The following PRDM16 variants were observed in gnomAD, a reference collection of about 807,000 sequenced individuals.
PRDM16 encodes the protein histone-lysine N-methyltransferase PRDM16.
In PRDM16, 23 loss-of-function variants were observed where a neutral mutation model predicts 110.6. That is an observed-to-expected ratio of 0.21 (90% CI 0.15 to 0.29). PRDM16 has a LOEUF of 0.29. PRDM16 is among the 10% of genes least tolerant of loss of function. The pLI, the probability that PRDM16 is intolerant of heterozygous loss-of-function variation, is 1.00. For synonymous variants in PRDM16, 799 were observed against 781.8 expected, an observed-to-expected ratio of 1.02 and a Z score of -0.37; for missense variants, 1,615 against 1,794.3, an observed-to-expected ratio of 0.90 and a Z score of 1.81.
chr1:3,318,818 A>G (rs746472760), intron 3 of PRDM16, among the ~76,000 whole-genome samples: 4 of 152,210 alleles, frequency 2.6e-5, no homozygotes, highest in African/African-American at 4.8e-5. Flanking sequence ...CCCCCTGCCT[A>G]TTGAAAGATT....
In PRDM16 at chr1:3,215,473, G is replaced by A. The variant is rs535408560; in HGVS notation, c.388-28614G>A. Among the ~76,000 whole-genome samples, 11 of 151,710 alleles carry A rather than the reference G, an allele frequency of 7.3e-5. No individual in the cohort carries two copies. The East Asian group carries it at 7.7e-4, about 11-fold the overall frequency. ...CTCCAGGAGGGTCATGGGTGGAGGC[G>A]GGAGAGAGTGGTTTGTGTGGGGTGG... On this transcript the variant is annotated intron_variant, in intron 2 of 16. Transcript: ENST00000270722.
chr1:3,410,291 C>G (rs930435941), intron 8 of PRDM16, among the ~76,000 whole-genome samples: 1 of 152,114 alleles, frequency 6.6e-6, no homozygotes, highest in African/African-American at 2.4e-5. Flanking sequence ...ACCCCCAGGC[C>G]GCTGGGTCCT....
Position 3,204,140 on chromosome 1 carries a change from G to A in PRDM16, c.387+17666G>A, listed in dbSNP as rs147683152. On this transcript the variant is annotated intron_variant, in intron 2 of 16. Transcript: ENST00000270722. ...AGTAAGATGCCTTTTTAAGGCCGGCGTTTTTAGCCAATTCCAGTATTTTCC... is the reference window on the plus strand; with the variant it reads ...AGTAAGATGCCTTTTTAAGGCCGGCATTTTTAGCCAATTCCAGTATTTTCC... 3.0e-3 allele frequency among the ~76,000 whole-genome samples: 459 copies of A among 152,334 alleles called. 1 individual carries two copies. Among genetic ancestry groups the A allele is most frequent in the Non-Finnish European group, 5.4e-3 (368 of 68,030 alleles).
Position 3,180,944 on chromosome 1 carries a change from CCTTACACACGCAGT to C in PRDM16, c.38-5171_38-5158del, listed in dbSNP as rs1471051908. On this transcript the variant is annotated intron_variant, in intron 1 of 16. Transcript: ENST00000270722. ...CTTACACACGCAGCCACACACGCAG[CCTTACACACGCAGT>C]CTTACACACTCGGTCTTACACACGC... is the stretch of plus-strand genomic sequence containing the variant. Among the ~76,000 whole-genome samples, 37 of 140,870 alleles carry C rather than the reference CCTTACACACGCAGT, an allele frequency of 2.6e-4. 1 individual carries two copies. The highest frequency in any genetic ancestry group is 1.3e-3 in the Admixed American group (19 of 14,132). 92.4% of individuals were successfully genotyped at this position (140,870 alleles called of 152,430 possible).
chr1:3,277,103 G>A (rs897818620), intron 3 of PRDM16, among the ~76,000 whole-genome samples: 1 of 152,068 alleles, frequency 6.6e-6, no homozygotes, highest in Non-Finnish European at 1.5e-5. Flanking sequence ...CCAGCCATTC[G>A]TCACCTGCTG....
chr1:3,138,439 G>A (rs1181976802), intron 1 of PRDM16, among the ~76,000 whole-genome samples: 1 of 152,230 alleles, frequency 6.6e-6, no homozygotes, highest in Non-Finnish European at 1.5e-5. Context: ...TGTGCCCCCG[G>A]AGCCGGCGTT....
intron 1 of PRDM16, among the ~76,000 whole-genome samples, chr1:3,134,035 C>A (rs144466361): frequency 2.6e-5 from 4 of 152,202 alleles, no homozygotes; most frequent in Non-Finnish European, 1.5e-5. Flanking sequence ...TCAGGCAGCG[C>A]GTCCAGTTCA....
intron 2 of PRDM16, among the ~76,000 whole-genome samples, chr1:3,195,737 G>T (rs1192524622): frequency 6.6e-6 from 1 of 152,186 alleles, no homozygotes; most frequent in African/African-American, 2.4e-5. Flanking sequence ...CTTCTGCGTG[G>T]GGGCGTGGCC....
At chr1:3,352,200 C>T (rs1642508442) in intron 3 of PRDM16, among the ~76,000 whole-genome samples, 4 of 152,214 alleles carry the variant, frequency 2.6e-5, no homozygotes, top group East Asian at 1.9e-4. Flanking sequence ...CTTCTCCCTC[C>T]GTGTTTGGCC....
intron 3 of PRDM16, among the ~76,000 whole-genome samples, chr1:3,379,126 C>G: frequency 7.3e-6 from 1 of 136,548 alleles, no homozygotes; most frequent in Non-Finnish European, 1.6e-5. Flanking sequence ...CAACTCACCC[C>G]TCCCAACACA....
chr1:3,438,477 G>A lies in PRDM16; in HGVS notation c.*4666G>A, dbSNP rs1342282448. 2 of 207,546 alleles carry A rather than the reference G, an allele frequency of 9.6e-6. No individual in the cohort carries two copies. The highest frequency in any genetic ancestry group is 3.0e-3 in the Middle Eastern group (2 of 674). 12.9% of individuals were successfully genotyped at this position (207,546 alleles called of 1,614,324 possible). A position where few individuals can be genotyped will look rare whatever the true frequency, so the allele number is the denominator to read the frequency against. On this transcript the variant is annotated 3_prime_UTR_variant, in exon 17 of 17. Transcript: ENST00000270722. ...ATGAACACAAATGTACTTGTGTAGAGACATTTCCTTAAGAGAAAGCCTAGG... is the reference window on the plus strand; with the variant it reads ...ATGAACACAAATGTACTTGTGTAGAAACATTTCCTTAAGAGAAAGCCTAGG...
At chr1:3,305,680 G>A in intron 3 of PRDM16, among the ~76,000 whole-genome samples, 1 of 152,240 alleles carries the variant, frequency 6.6e-6, no homozygotes, top group Non-Finnish European at 1.5e-5. Context: ...GTGGAAAACG[G>A]TGGGGAATTG....
chr1:3,166,181 G>C (rs1277278443), intron 1 of PRDM16, among the ~76,000 whole-genome samples: 2 of 152,226 alleles, frequency 1.3e-5, no homozygotes, highest in Admixed American at 6.5e-5. Flanking sequence ...TCCAAGCCTG[G>C]CTTTTTCCAT....
chr1:3,396,761 C>A (rs1166903114), intron 5 of PRDM16, among the ~76,000 whole-genome samples, 168 bp downstream of exon 5: 1 of 152,200 alleles, frequency 6.6e-6, no homozygotes, highest in African/African-American at 2.4e-5. Flanking sequence ...GACCTCAGGC[C>A]AGCAGAAATT....
rs576308995 is a variant in PRDM16 at position 3,372,713 on chromosome 1, T to A, written c.439-12439T>A. ...CCTCCTGCTCTTGACCCAACTTAAA[T>A]CAAATTCAGGTTTGAACAACTGTTA... is the stretch of plus-strand genomic sequence containing the variant. On this transcript the variant is annotated intron_variant, in intron 3 of 16. Coordinates refer to ENST00000270722, the MANE Select transcript of PRDM16 (RefSeq NM_022114.4). Among the ~76,000 whole-genome samples, 8 of 152,350 alleles carry A rather than the reference T, an allele frequency of 5.3e-5. No individual in the cohort carries two copies. The South Asian group carries it at 1.7e-3, about 32-fold the overall frequency.
intron 3 of PRDM16, among the ~76,000 whole-genome samples, chr1:3,247,289 A>C (rs2100919564): frequency 6.6e-6 from 1 of 152,342 alleles, no homozygotes; most frequent in Middle Eastern, 3.4e-3. Context: ...AGCTTGGCAT[A>C]TGAGCTGCAG....
intron 7 of PRDM16, among the ~76,000 whole-genome samples, chr1:3,405,093 G>GATC (rs1489861357): frequency 2.6e-5 from 4 of 152,120 alleles, no homozygotes; most frequent in African/African-American, 9.7e-5. Flanking sequence ...AGGTCAGAAG[G>GATC]ATCAGGGCCG....
chr1:3,181,152 A>AGTCTTACACGCG (rs1644161289), intron 1 of PRDM16, among the ~76,000 whole-genome samples: 2 of 140,068 alleles, frequency 1.4e-5, no homozygotes, highest in African/African-American at 5.5e-5. Context: ...TTACACACGC[A>AGTCTTACACGCG]GTCTTACACG....
In PRDM16 at chr1:3,425,530, C is replaced by T. The variant is rs1463904710; in HGVS notation, c.2940-51C>T. 1 of 1,578,396 alleles carries T rather than the reference C, an allele frequency of 6.3e-7. No homozygotes were observed. The highest frequency in any genetic ancestry group is 8.6e-7 in the Non-Finnish European group (1 of 1,157,402). On this transcript the variant is annotated intron_variant, in intron 12 of 16. Coordinates refer to ENST00000270722, the MANE Select transcript of PRDM16 (RefSeq NM_022114.4). The surrounding 1 kb of genome is among the most constrained non-coding windows in gnomAD (Gnocchi z 6.9). ...TTCCCCCCACCCTCTGTGGCCCGGC[C>T]TGCCATGCAGAGCCGGGGCCTGCAC...
Sources: allele counts gnomAD v4.1 joint callset (sites outside exome capture counted in the v4.1 genomes callset), GRCh38; gene constraint gnomAD v4.1.1; non-coding constraint Gnocchi (gnomAD v3.1); transcripts MANE v1.5; gene names NCBI Gene and HGNC (gene_info 2026-07-23, HGNC 2026-07-21).